The following SH2D2A variants were observed in gnomAD, a reference collection of about 807,000 sequenced individuals.
SH2D2A encodes the protein SH2 domain-containing protein 2A.
SH2D2A carries 33 observed loss-of-function variants against 43.6 expected under a neutral mutation model. That is an observed-to-expected ratio of 0.76 (90% CI 0.57 to 1.01). The LOEUF (loss-of-function observed/expected upper bound fraction) is 1.01, where lower values mean the gene tolerates loss of function less well. SH2D2A is among the 50% of genes least tolerant of loss of function. SH2D2A has a pLI of 0.00. For synonymous variants in SH2D2A, 212 were observed against 206.1 expected (o/e 1.03, Z -0.25); for missense variants, 491 against 503.1 (o/e 0.98, Z 0.23).
At position 156,807,144 on chromosome 1, in the gene SH2D2A, T is replaced by C; in HGVS notation, c.*3+31A>G. ...GTGTGAAGGTCTCTGGACCTGATGC[T>C]CCAAGTTATCCTCACCAAGCTCAGA... On this transcript the variant is annotated intron_variant, in intron 8 of 8. Transcript: ENST00000368199. The surrounding 1 kb of genome is among the most constrained non-coding windows in gnomAD (Gnocchi z 5.1). 6.2e-7 allele frequency: 1 copy of C among 1,605,058 alleles called. No homozygotes were observed. The highest frequency in any genetic ancestry group is 2.2e-5 in the East Asian group (1 of 44,818).
In SH2D2A at chr1:156,815,028, A is replaced by G. The variant is rs1156290540; in HGVS notation, c.308+9T>C. ...CCTGTCTGGGCCAATTTCCTCCTCCATGACTCACCTCCGGGTGATGAAGCC... is the reference window on the plus strand; with the variant it reads ...CCTGTCTGGGCCAATTTCCTCCTCCGTGACTCACCTCCGGGTGATGAAGCC... On this transcript the variant is annotated intron_variant, in intron 3 of 8. Transcript: ENST00000368199. The G allele has an allele frequency of 4.0e-6, 6 of 1,505,908 alleles. No individual in the cohort carries two copies. Among genetic ancestry groups the G allele is most frequent in the Non-Finnish European group, 4.5e-6 (5 of 1,121,764 alleles). The allele number at this position is 1,505,908 out of a possible 1,614,324, so 93.3% of individuals were successfully genotyped here. A position where few individuals can be genotyped will look rare whatever the true frequency, so the allele number is the denominator to read the frequency against.
chr1:156,807,391 C>T lies in SH2D2A; in HGVS notation c.1003-46G>A, dbSNP rs1309409214. ...CTAGGTCACACCCTCTACCCTCTGC[C>T]TCCTAGGTGTACTTGCAGTCTCAAG... On this transcript the variant is annotated intron_variant, in intron 7 of 8. Transcript: ENST00000368199. The surrounding 1 kb of genome is among the most constrained non-coding windows in gnomAD (Gnocchi z 5.1). 2.1e-6 allele frequency: 3 copies of T among 1,434,990 alleles called. No individual in the cohort carries two copies. 88.9% of individuals were successfully genotyped at this position (1,434,990 alleles called of 1,614,324 possible).
Position 156,815,038 on chromosome 1 carries a change from T to C in SH2D2A, c.307A>G (p.Arg103Gly), listed in dbSNP as rs756617080. 1.2e-5 allele frequency: 19 copies of C among 1,543,680 alleles called. 1 individual carries two copies. The South Asian group carries it at 2.2e-4, about 18-fold the overall frequency. ...CCAATTTCCTCCTCCATGACTCACC[T>C]CCGGGTGATGAAGCCATGGAACCAG... is the stretch of plus-strand genomic sequence containing the variant. Reference protein sequence around the residue: ...PAWFHGFITRREAERLLEPKP... With the variant: ...PAWFHGFITRGEAERLLEPKP... The change falls in exon 3 of 9, where the codon AGG (arginine) becomes GGG (glycine). Residue 103 changes from arginine to glycine, a missense_variant and splice_region_variant. Physicochemically the swap from Arg to Gly is moderately radical, Grantham distance 125. Transcript: ENST00000368199.
Position 156,806,541 on chromosome 1 carries a change from C to T in SH2D2A, c.*36G>A, listed in dbSNP as rs185278676. ...CAGGCTCCGCATTTGCTTCTCTGAC[C>T]TCCAGGCTTCTTTGTTGGGGGTCAG... is the stretch of plus-strand genomic sequence containing the variant. On this transcript the variant is annotated 3_prime_UTR_variant, in exon 9 of 9. Transcript: ENST00000368199. 1.3e-5 allele frequency: 2 copies of T among 153,748 alleles called. No homozygotes were observed. The highest frequency in any genetic ancestry group is 4.8e-5 in the African/African-American group (2 of 41,580). 9.5% of individuals were successfully genotyped at this position (153,748 alleles called of 1,614,324 possible). A position where few individuals can be genotyped will look rare whatever the true frequency, so the allele number is the denominator to read the frequency against.
chr1:156,815,830 A>C lies in SH2D2A; in HGVS notation c.123+176T>G. On this transcript the variant is annotated intron_variant, in intron 2 of 8. Coordinates refer to ENST00000368199, the MANE Select transcript of SH2D2A (RefSeq NM_003975.4). ...AGGGAGTGAGTGGGCAACTCGGCGC[A>C]TGAAGGAGGTACTCCTCATTTTCGT... 6.2e-7 allele frequency: 1 copy of C among 1,614,168 alleles called. No individual in the cohort carries two copies. The highest frequency in any genetic ancestry group is 8.5e-7 in the Non-Finnish European group (1 of 1,180,018).
intron 1 of SH2D2A, 133 bp downstream of exon 1, chr1:156,816,542 A>T: frequency 1.3e-6 from 1 of 758,784 alleles, no homozygotes; most frequent in Non-Finnish European, 2.1e-6. Flanking sequence ...TCACCCTGCC[A>T]ATCAGCTTTG....
At chr1:156,811,504 A>G (rs1653417907) in intron 5 of SH2D2A, among the ~76,000 whole-genome samples, 1 of 151,368 alleles carries the variant, frequency 6.6e-6, no homozygotes, top group African/African-American at 2.4e-5. Context: ...GCTCCTCCTC[A>G]CCCCCAGACT....
chr1:156,809,900 A>C lies in SH2D2A; in HGVS notation c.568-93T>G. On this transcript the variant is annotated intron_variant, in intron 5 of 8. Coordinates refer to ENST00000368199, the MANE Select transcript of SH2D2A (RefSeq NM_003975.4). The surrounding 1 kb of genome is among the most constrained non-coding windows in gnomAD (Gnocchi z 4.8). ...CAAAATAATCCAGTCTAAGTGGAGG[A>C]TGGGGGAAGGGGGAGGAGCACAGAA... 7.3e-7 allele frequency: 1 copy of C among 1,370,494 alleles called. No homozygotes were observed. The allele number at this position is 1,370,494 out of a possible 1,614,324, so 84.9% of individuals were successfully genotyped here.
rs749304313 is a variant in SH2D2A, at chr1:156,809,394, G to A, written c.811C>T (p.Pro271Ser). ...ATAGGATTGGAGGGCTTGGGGCGTG[G>A]GGCCGGGCGGTGTCGTGGAACAGGG... ...TIPVPRHRPAPRPKPSNPIYN... is the reference protein window; with the variant it reads ...TIPVPRHRPASRPKPSNPIYN... The change falls in exon 7 of 9, where the codon CCA becomes TCA. Residue 271 changes from proline (P) to serine (S), a missense_variant. Pro to Ser is a moderately conservative substitution (Grantham distance 74, BLOSUM62 -1). Coordinates refer to ENST00000368199, the MANE Select transcript of SH2D2A (RefSeq NM_003975.4). The surrounding 1 kb of genome is among the most constrained non-coding windows in gnomAD (Gnocchi z 4.8). 1.9e-5 allele frequency: 30 copies of A among 1,613,922 alleles called. No homozygotes were observed. The highest frequency in any genetic ancestry group is 2.5e-5 in the Non-Finnish European group (29 of 1,180,028).
intron 7 of SH2D2A, among the ~76,000 whole-genome samples, chr1:156,808,574 G>A (rs1214265665): frequency 6.6e-6 from 1 of 152,134 alleles, no homozygotes; most frequent in Non-Finnish European, 1.5e-5. Context: ...CTGGGGAAGG[G>A]CTTTGGGAGG....
chr1:156,813,697 T>G, intron 5 of SH2D2A, 151 bp downstream of exon 5: 2 of 690,764 alleles, frequency 2.9e-6, no homozygotes, highest in Non-Finnish European at 4.3e-6. Context: ...CACCCTCCCA[T>G]GAAGATGAAG....
chr1:156,813,806 C>T (rs1653596924), intron 5 of SH2D2A, 42 bp downstream of exon 5: 3 of 1,362,230 alleles, frequency 2.2e-6, no homozygotes, highest in Middle Eastern at 5.4e-4. Context: ...GGGGCGCTGG[C>T]CCGAGACCCT....
rs1372895537 is a variant in SH2D2A, at chr1:156,809,644, C to G, written c.714+17G>C. On this transcript the variant is annotated intron_variant, in intron 6 of 8. Coordinates refer to ENST00000368199, the MANE Select transcript of SH2D2A (RefSeq NM_003975.4). The surrounding 1 kb of genome is among the most constrained non-coding windows in gnomAD (Gnocchi z 4.8). ...CAGGCCTGTCCTCCCACTCCCTCAG[C>G]CCCTGCAGCCCAATACCTCCTTCTC... 1 of 1,600,818 alleles carries G rather than the reference C, an allele frequency of 6.2e-7. No individual in the cohort carries two copies. Among genetic ancestry groups the G allele is most frequent in the Non-Finnish European group, 8.5e-7 (1 of 1,174,934 alleles).
intron 7 of SH2D2A, among the ~76,000 whole-genome samples, chr1:156,808,500 G>C (rs1050510105): frequency 1.3e-5 from 2 of 152,154 alleles, no homozygotes; most frequent in Non-Finnish European, 2.9e-5. Flanking sequence ...AGCAGGCTCA[G>C]GCTGAGCAGG....
intron 8 of SH2D2A, 68 bp from the exon 9 acceptor site, chr1:156,806,641 C>T (rs968655622): frequency 2.5e-5 from 4 of 162,790 alleles, no homozygotes; most frequent in African/African-American, 9.6e-5. Flanking sequence ...GGCCTCCATG[C>T]AGTAGAACTC....
chr1:156,807,441 C>A lies in SH2D2A; in HGVS notation c.1003-96G>T. On this transcript the variant is annotated intron_variant, in intron 7 of 8. Coordinates refer to ENST00000368199, the MANE Select transcript of SH2D2A (RefSeq NM_003975.4). This position sits in a 1 kb window ranked among gnomAD's most constrained non-coding sequence, Gnocchi z 5.1. ...GACATCTGATCTGAACAGACTTTGG[C>A]TTCCAGAGAGGGTATCTAAACTCCT... 1 of 1,102,628 alleles carries A rather than the reference C, an allele frequency of 9.1e-7. No individual in the cohort carries two copies. Among genetic ancestry groups the A allele is most frequent in the South Asian group, 1.7e-5 (1 of 59,154 alleles). The allele number at this position is 1,102,628 out of a possible 1,614,324, so 68.3% of individuals were successfully genotyped here. A position where few individuals can be genotyped will look rare whatever the true frequency, so the allele number is the denominator to read the frequency against.
chr1:156,809,694 G>A lies in SH2D2A; in HGVS notation c.681C>T (p.Val227=). ...CCCCGGCCCCCTCTTTCTGCATCGG[G>A]ACTGGGGCTTGCCCCTGTTTGATGA... ...SPIIKQGQAP[V]PMQKEGAGEK... The change falls in exon 6 of 9, where the codon GTC becomes GTT. Residue 227 remains valine (V), a synonymous_variant. Coordinates refer to ENST00000368199, the MANE Select transcript of SH2D2A (RefSeq NM_003975.4). This position sits in a 1 kb window ranked among gnomAD's most constrained non-coding sequence, Gnocchi z 4.8. 1 of 1,613,684 alleles carries A rather than the reference G, an allele frequency of 6.2e-7. No homozygotes were observed. The highest frequency in any genetic ancestry group is 1.3e-5 in the African/African-American group (1 of 75,034).
Position 156,814,216 on chromosome 1 carries a change from C to A in SH2D2A, c.387G>T (p.Val129=). The part of the protein sequence containing the change: ...VRFSESAVTF[V]LTYRSRTCCR... ...GCCTCGCCCCTCACCTGTAAGTCAG[C>A]ACGAAGGTCACCGCGCTCTCGCTGA... Residue 129 remains valine, a synonymous_variant, in exon 4 of 9, where the codon GTG becomes GTT. Transcript: ENST00000368199. 6.2e-7 allele frequency: 1 copy of A among 1,613,770 alleles called. No homozygotes were observed. The highest frequency in any genetic ancestry group is 1.1e-5 in the South Asian group (1 of 91,088).
Position 156,816,797 on chromosome 1 carries a change from T to G in SH2D2A, c.-89A>C, listed in dbSNP as rs1449335739. ...ACTCAGCAACTCATCATCTCTCCTC[T>G]CACCCTGGCCCCGGGGGCAGGAAAT... On this transcript the variant is annotated 5_prime_UTR_variant, in exon 1 of 9. Transcript: ENST00000368199. 7.9e-7 allele frequency: 1 copy of G among 1,262,060 alleles called. No homozygotes were observed. Among genetic ancestry groups the G allele is most frequent in the East Asian group, 2.8e-5 (1 of 36,120 alleles). 78.2% of individuals were successfully genotyped at this position (1,262,060 alleles called of 1,614,324 possible).
Sources: gnomAD v4.1 joint callset for allele counts (sites outside exome capture counted in the v4.1 genomes callset) on GRCh38, gnomAD v4.1.1 for gene constraint, Gnocchi (gnomAD v3.1) non-coding constraint, MANE v1.5 for transcripts, NCBI Gene and HGNC (gene_info 2026-07-23, HGNC 2026-07-21) for gene names.